The following FRK variants were observed in gnomAD, a reference collection of about 807,000 sequenced individuals.
The protein encoded by FRK is fyn related Src family tyrosine kinase.
A neutral mutation model predicts 56.4 loss-of-function variants in FRK; 51 were observed. The observed-to-expected ratio is 0.90, with a 90% CI of 0.72 to 1.14. The LOEUF is 1.14. FRK is among the 50% of genes most tolerant of loss of function. The pLI is 0.00. For missense variants in FRK, 570 were observed against 601.4 expected (o/e 0.95, Z 0.55); for synonymous variants, 245 against 217.9 (o/e 1.12, Z -1.10).
At chr6:115,948,248 C>T (rs1016562586) in intron 5 of FRK, among the ~76,000 whole-genome samples, 30 of 152,176 alleles carry the variant, frequency 2.0e-4, no homozygotes, top group Non-Finnish European at 5.9e-5. Context: ...GAACTGATTT[C>T]CTCAGTCCAA....
chr6:115,955,824 A>G (rs17077420), intron 5 of FRK, among the ~76,000 whole-genome samples: 6,209 of 152,278 alleles, frequency 0.041, 340 homozygotes, highest in Admixed American at 0.15. Context: ...AATGCTCATT[A>G]TACTGTATTG....
intron 2 of FRK, among the ~76,000 whole-genome samples, chr6:115,968,963 G>A (rs1773698886): frequency 6.6e-6 from 1 of 152,104 alleles, no homozygotes. Context: ...AAAAATAAAG[G>A]GGTGAGGCTA....
chr6:116,095,316 C>T, the FRK span, among the ~76,000 whole-genome samples: 2 of 152,156 alleles, frequency 1.3e-5, no homozygotes, highest in African/African-American at 4.8e-5. Flanking sequence ...AATTGGTCTG[C>T]TCAAACATGG....
chr6:115,977,996 T>C (rs528632338), intron 2 of FRK, among the ~76,000 whole-genome samples: 2 of 152,258 alleles, frequency 1.3e-5, no homozygotes, highest in East Asian at 1.9e-4. Flanking sequence ...CAATTTCCCA[T>C]GAAAAGTACA....
At chr6:116,097,550 T>C in the FRK span, among the ~76,000 whole-genome samples, 34 of 152,320 alleles carry the variant, frequency 2.2e-4, no homozygotes, top group South Asian at 6.8e-3. Flanking sequence ...TATTGAGATA[T>C]TATAGAGTCT....
the FRK span, among the ~76,000 whole-genome samples, chr6:116,095,506 T>A: frequency 6.6e-6 from 1 of 152,222 alleles, no homozygotes; most frequent in African/African-American, 2.4e-5. Flanking sequence ...CAGTGTAACA[T>A]GTATTATCCT....
At chr6:116,092,287 A>T in the FRK span, among the ~76,000 whole-genome samples, 1 of 152,194 alleles carries the variant, frequency 6.6e-6, no homozygotes, top group African/African-American at 2.4e-5. Flanking sequence ...CAGAAATGAT[A>T]TCCTTCCTAT....
At position 115,934,628 on chromosome 6, in the gene FRK, A is replaced by G. The variant is rs1220539819; in HGVS notation, c.*7786T>C. ...TCCTGTCTCCCAGTTAAAAGAGTTTACAAATTTACTTCTTGTTTAATCTAC... is the reference window on the plus strand; with the variant it reads ...TCCTGTCTCCCAGTTAAAAGAGTTTGCAAATTTACTTCTTGTTTAATCTAC... On this transcript the variant is annotated 3_prime_UTR_variant, in exon 8 of 8. Coordinates refer to ENST00000606080, the MANE Select transcript of FRK (RefSeq NM_002031.3). 1 of 152,212 alleles carries G rather than the reference A, an allele frequency of 6.6e-6. No homozygotes were observed. Among genetic ancestry groups the G allele is most frequent in the Non-Finnish European group, 1.5e-5 (1 of 68,040 alleles). The allele number at this position is 152,212 out of a possible 1,614,324, so 9.4% of individuals were successfully genotyped here. A position where few individuals can be genotyped will look rare whatever the true frequency, so the allele number is the denominator to read the frequency against.
At chr6:116,042,912 C>CA (rs528349678) in intron 1 of FRK, among the ~76,000 whole-genome samples, 77 of 140,202 alleles carry the variant, frequency 5.5e-4, no homozygotes, top group East Asian at 2.2e-3. Context: ...AAATGGAAAG[C>CA]AAAAAAAAAA....
chr6:116,048,031 C>T (rs1777046339), intron 1 of FRK, among the ~76,000 whole-genome samples: 1 of 152,222 alleles, frequency 6.6e-6, no homozygotes, highest in African/African-American at 2.4e-5. Flanking sequence ...AATCTAAAGA[C>T]TTGATCTTTG....
chr6:116,091,003 C>T, the FRK span, among the ~76,000 whole-genome samples: 1 of 152,100 alleles, frequency 6.6e-6, no homozygotes, highest in African/African-American at 2.4e-5. Context: ...GTAATCCTGC[C>T]ACTTAATATC....
At chr6:116,039,562 G>C in intron 1 of FRK, 1 of 882,668 alleles carries the variant, frequency 1.1e-6, no homozygotes, top group Non-Finnish European at 1.9e-6. Context: ...CCCAGTAACT[G>C]CCCCTCCCCT....
At chr6:115,975,464 T>C (rs1773958770) in intron 2 of FRK, among the ~76,000 whole-genome samples, 1 of 152,200 alleles carries the variant, frequency 6.6e-6, no homozygotes. Context: ...AGTATTTTCA[T>C]CTGTTAGTGG....
chr6:115,942,808 T>C (rs1042726761), intron 7 of FRK, among the ~76,000 whole-genome samples, 183 bp from the exon 8 acceptor site: 1 of 152,170 alleles, frequency 6.6e-6, no homozygotes, highest in Admixed American at 6.6e-5. Flanking sequence ...AAGTGATGTC[T>C]ATAAGACTGC....
At chr6:116,055,887 C>A (rs1582765955) in intron 1 of FRK, among the ~76,000 whole-genome samples, 1 of 152,156 alleles carries the variant, frequency 6.6e-6, no homozygotes, top group African/African-American at 2.4e-5. Flanking sequence ...TCATTTATGT[C>A]TTTGAGAAGT....
At chr6:115,955,146 C>A (rs1772935436) in intron 5 of FRK, among the ~76,000 whole-genome samples, 1 of 151,846 alleles carries the variant, frequency 6.6e-6, no homozygotes, top group African/African-American at 2.4e-5. Flanking sequence ...ACGTTGTGAA[C>A]AGTCTTGGAG....
At chr6:115,996,960 G>T (rs1366537305) in intron 2 of FRK, among the ~76,000 whole-genome samples, 1 of 152,130 alleles carries the variant, frequency 6.6e-6, no homozygotes, top group African/African-American at 2.4e-5. Flanking sequence ...ATTGCCTTTA[G>T]AATTAATTAC....
Position 116,034,417 on chromosome 6 carries a change from A to G in FRK, c.344+25551T>C, listed in dbSNP as rs542289589. Among the ~76,000 whole-genome samples the G allele has an allele frequency of 3.9e-5, 6 of 152,292 alleles. No individual in the cohort carries two copies. In the East Asian group the frequency reaches 1.2e-3, roughly 29 times the overall value. On this transcript the variant is annotated intron_variant, in intron 1 of 7. Coordinates refer to ENST00000606080, the MANE Select transcript of FRK (RefSeq NM_002031.3). ...AATAATGTAGATAACTAAAATGAGG[A>G]CTAAGAGCTGACCAACAAGTATTAC...
the FRK span, among the ~76,000 whole-genome samples, chr6:116,087,559 G>C: frequency 6.6e-6 from 1 of 152,190 alleles, no homozygotes; most frequent in Non-Finnish European, 1.5e-5. Context: ...AACTATTTAT[G>C]GTAATTTCCA....
Sources: gnomAD v4.1 joint callset for allele counts (sites outside exome capture counted in the v4.1 genomes callset) on GRCh38, gnomAD v4.1.1 for gene constraint, MANE v1.5 for transcripts, NCBI Gene and HGNC (gene_info 2026-07-23, HGNC 2026-07-21) for gene names.